GNG2: variants seen among roughly 807,000 people sequenced by gnomAD.
GNG2 encodes guanine nucleotide-binding protein G(I)/G(S)/G(O) subunit gamma-2.
In GNG2, 5 loss-of-function variants were observed where a neutral mutation model predicts 5.5. The observed-to-expected ratio is 0.91, with a 90% CI of 0.48 to 1.92. GNG2 has a LOEUF of 1.92. Ranked by LOEUF, GNG2 falls within the 30% of genes most tolerant of loss-of-function variation. The pLI is 0.01. For missense variants in GNG2, 55 were observed against 88.4 expected (o/e 0.62, Z 1.52); for synonymous variants, 28 against 32.0 (o/e 0.88, Z 0.42).
chr14:51,961,406 T>G (rs2140303161), intron 3 of GNG2, among the ~76,000 whole-genome samples: 1 of 152,320 alleles, frequency 6.6e-6, no homozygotes, highest in South Asian at 2.1e-4. Flanking sequence ...GTTTGAGAAC[T>G]CCTTCAGCAA....
At chr14:51,940,747 G>A (rs1014986717) in intron 2 of GNG2, among the ~76,000 whole-genome samples, 1 of 152,012 alleles carries the variant, frequency 6.6e-6, no homozygotes, top group African/African-American at 2.4e-5. Flanking sequence ...GAAGCCAAAA[G>A]AAATTAGTGT....
At position 51,877,720 on chromosome 14, in the gene GNG2, A is replaced by G. The variant is rs114901122; in HGVS notation, c.-30+63A>G. On this transcript the variant is annotated intron_variant, in intron 2 of 3. Transcript: ENST00000556766. ...TTTAACCAGAACTTAAAGAGGAAAA[A>G]AAATGTTAAGTGGTCTATAGATGAA... The G allele has an allele frequency of 4.7e-3, 2,070 of 442,200 alleles. 43 individuals are homozygous for G. The highest frequency in any genetic ancestry group is 0.038 in the African/African-American group (1,875 of 49,126). 27.4% of individuals were successfully genotyped at this position (442,200 alleles called of 1,614,324 possible). A position where few individuals can be genotyped will look rare whatever the true frequency, so the allele number is the denominator to read the frequency against.
upstream of GNG2, chr14:51,860,384 G>C (rs926595913): frequency 2.6e-5 from 4 of 152,898 alleles, no homozygotes; most frequent in African/African-American, 9.7e-5. Flanking sequence ...AAAAGGGGAA[G>C]GAAGGAACAG....
intron 2 of GNG2, among the ~76,000 whole-genome samples, chr14:51,831,286 A>G (rs950621158): frequency 1.4e-4 from 22 of 152,282 alleles, no homozygotes; most frequent in African/African-American, 5.3e-4. Flanking sequence ...ATTATCTAAC[A>G]TACTGTATTT....
At chr14:51,942,235 T>A (rs1456329384) in intron 2 of GNG2, among the ~76,000 whole-genome samples, 2 of 152,172 alleles carry the variant, frequency 1.3e-5, no homozygotes, top group African/African-American at 2.4e-5. Flanking sequence ...GCACATGGAG[T>A]GCTTTCTTTG....
intron 2 of GNG2, among the ~76,000 whole-genome samples, chr14:51,901,171 A>T (rs975542076): frequency 7.9e-5 from 12 of 151,728 alleles, no homozygotes; most frequent in Non-Finnish European, 1.3e-4. Context: ...ACCAGTTGGT[A>T]AAGAGAAAGT....
At chr14:51,848,440 T>C (rs1477248889) in intron 2 of GNG2, among the ~76,000 whole-genome samples, 2 of 152,154 alleles carry the variant, frequency 1.3e-5, no homozygotes, top group Non-Finnish European at 2.9e-5. Flanking sequence ...TTATACCCTA[T>C]GTGTGCATTC....
chr14:51,912,880 T>C (rs1198873261), intron 2 of GNG2: 1 of 152,312 alleles, frequency 6.6e-6, no homozygotes, highest in Non-Finnish European at 1.5e-5. Context: ...TGTGTGTGTT[T>C]TGTTTCTTTG....
intron 2 of GNG2, among the ~76,000 whole-genome samples, chr14:51,895,044 G>GA (rs11428089): frequency 0.63 from 93,196 of 148,364 alleles, 30,757 homozygotes; most frequent in Non-Finnish European, 0.76. Flanking sequence ...AAAAGAATAG[G>GA]AAAAAAAAAA....
At chr14:51,925,871 C>T (rs542462346) in intron 2 of GNG2, among the ~76,000 whole-genome samples, 18 of 152,138 alleles carry the variant, frequency 1.2e-4, no homozygotes, top group African/African-American at 4.3e-4. Context: ...ATTCACCAAC[C>T]TCTGCCTCCC....
intron 1 of GNG2, among the ~76,000 whole-genome samples, chr14:51,873,679 C>T (rs1883454984): frequency 6.6e-6 from 1 of 152,238 alleles, no homozygotes; most frequent in South Asian, 2.1e-4. Flanking sequence ...CTAAGGTCAA[C>T]CTTGTGGAGT....
chr14:51,932,603 G>A (rs1192149431), intron 2 of GNG2, among the ~76,000 whole-genome samples: 1 of 152,046 alleles, frequency 6.6e-6, no homozygotes, highest in Non-Finnish European at 1.5e-5. Context: ...CAGCCTGGGG[G>A]ACAGAGGGAG....
At chr14:51,883,806 A>G (rs1884259084) in intron 2 of GNG2, among the ~76,000 whole-genome samples, 1 of 152,118 alleles carries the variant, frequency 6.6e-6, no homozygotes, top group Non-Finnish European at 1.5e-5. Flanking sequence ...ATATACTATA[A>G]CTGCTATATA....
intron 2 of GNG2, among the ~76,000 whole-genome samples, chr14:51,934,365 T>A (rs775133213): frequency 5.3e-5 from 8 of 152,196 alleles, no homozygotes; most frequent in Non-Finnish European, 1.2e-4. Flanking sequence ...TTCTGCATAT[T>A]CATCCACTTT....
intron 2 of GNG2, among the ~76,000 whole-genome samples, chr14:51,940,822 A>T (rs1460347810): frequency 6.6e-6 from 1 of 152,206 alleles, no homozygotes; most frequent in Non-Finnish European, 1.5e-5. Flanking sequence ...ATGAACTGGC[A>T]ATAGAAAAAG....
chr14:51,929,785 TG>T (rs1476702004), intron 2 of GNG2, among the ~76,000 whole-genome samples: 27 of 152,254 alleles, frequency 1.8e-4, no homozygotes, highest in African/African-American at 6.5e-4. Context: ...AAGGACAATA[TG>T]AGGCTGGCGT....
At chr14:51,926,117 T>A (rs1226215117) in intron 2 of GNG2, among the ~76,000 whole-genome samples, 1 of 152,036 alleles carries the variant, frequency 6.6e-6, no homozygotes, top group Non-Finnish European at 1.5e-5. Flanking sequence ...GTCCAATTTT[T>A]AAAAAAATTG....
chr14:51,961,260 A>AT (rs1230586286), intron 3 of GNG2, among the ~76,000 whole-genome samples: 4 of 152,222 alleles, frequency 2.6e-5, no homozygotes, highest in Non-Finnish European at 4.4e-5. Context: ...GAAGTATAGA[A>AT]TGCTGTATAA....
intron 2 of GNG2, among the ~76,000 whole-genome samples, chr14:51,923,268 C>T (rs539741055): frequency 6.6e-6 from 1 of 152,074 alleles, no homozygotes; most frequent in East Asian, 1.9e-4. Flanking sequence ...AAGAGGATTC[C>T]CTTTTGGTCT....
Sources: allele counts gnomAD v4.1 joint callset (sites outside exome capture counted in the v4.1 genomes callset), GRCh38; gene constraint gnomAD v4.1.1; transcripts MANE v1.5; gene names NCBI Gene and HGNC (gene_info 2026-07-23, HGNC 2026-07-21).